The following FGF12 variants were observed in gnomAD, a reference collection of about 807,000 sequenced individuals.
FGF12 encodes fibroblast growth factor 12.
A neutral mutation model predicts 23.6 loss-of-function variants in FGF12; 14 were observed. The ratio of observed to expected loss-of-function variants is 0.59; its 90% CI spans 0.39 to 0.93. The LOEUF (loss-of-function observed/expected upper bound fraction) is 0.93. Ranked by LOEUF, FGF12 falls within the 40% of genes least tolerant of loss-of-function variation. The probability of loss-of-function intolerance (pLI) is 0.00; values close to 1 mark genes in which losing one functional copy is unlikely to be tolerated. For missense variants in FGF12, 175 were observed against 217.8 expected, an observed-to-expected ratio of 0.80 and a Z score of 1.24; for synonymous variants, 62 against 77.3, an observed-to-expected ratio of 0.80 and a Z score of 1.04.
At chr3:192,415,745 C>CAA (rs1721332281) in intron 2 of FGF12, among the ~76,000 whole-genome samples, 1 of 150,900 alleles carries the variant, frequency 6.6e-6, no homozygotes, top group Non-Finnish European at 1.5e-5. Flanking sequence ...CACACACACA[C>CAA]ACACACACAC....
rs550956600 is a variant in FGF12 at position 192,456,600 on chromosome 3, T to C, written c.14-96062A>G. 3.9e-4 allele frequency among the ~76,000 whole-genome samples: 60 copies of C among 152,312 alleles called. No homozygotes were observed. The South Asian group carries it at 0.012, about 31-fold the overall frequency. Reference sequence around the variant, plus strand: ...CCCATAAATGTATACTCCTAATACGTATCCACAAAAATTTTTAAAAATAAT... The same window carrying C: ...CCCATAAATGTATACTCCTAATACGCATCCACAAAAATTTTTAAAAATAAT... On this transcript the variant is annotated intron_variant, in intron 2 of 5. Coordinates refer to ENST00000445105, the MANE Select transcript of FGF12 (RefSeq NM_004113.6).
chr3:192,175,710 T>G (rs924047140), intron 4 of FGF12, among the ~76,000 whole-genome samples: 6 of 152,148 alleles, frequency 3.9e-5, no homozygotes, highest in African/African-American at 1.4e-4. Flanking sequence ...AATCTCCAAC[T>G]CATTTTAATC....
intron 4 of FGF12, among the ~76,000 whole-genome samples, chr3:192,181,241 A>G (rs966634017): frequency 2.0e-5 from 3 of 152,128 alleles, no homozygotes; most frequent in Non-Finnish European, 4.4e-5. Flanking sequence ...AGGGCATTCA[A>G]TGAAGACCTC....
intron 2 of FGF12, among the ~76,000 whole-genome samples, chr3:192,466,769 C>T (rs1723023737): frequency 1.3e-5 from 2 of 152,174 alleles, no homozygotes; most frequent in Admixed American, 1.3e-4. Flanking sequence ...GGTTAAATTA[C>T]TTCACACTCA....
chr3:192,384,767 T>C (rs541932573), intron 2 of FGF12, among the ~76,000 whole-genome samples: 81 of 152,314 alleles, frequency 5.3e-4, no homozygotes, highest in African/African-American at 1.8e-3. Flanking sequence ...GGGGGTGACA[T>C]TCACTGATGT....
At chr3:192,378,075 T>TTTCTTTC (rs1719633693) in intron 2 of FGF12, among the ~76,000 whole-genome samples, 3 of 112,146 alleles carry the variant, frequency 2.7e-5, no homozygotes, top group Non-Finnish European at 5.1e-5. Flanking sequence ...TCTTTCTTTC[T>TTTCTTTC]TTCTTTCTTT....
At chr3:192,591,520 T>C (rs1577068873) in intron 2 of FGF12, among the ~76,000 whole-genome samples, 1 of 151,930 alleles carries the variant, frequency 6.6e-6, no homozygotes, top group Non-Finnish European at 1.5e-5. Context: ...TGTGGCTTAT[T>C]TATAATCTGG....
At chr3:192,308,641 T>C (rs1480553455) in intron 4 of FGF12, among the ~76,000 whole-genome samples, 2 of 151,266 alleles carry the variant, frequency 1.3e-5, no homozygotes, top group African/African-American at 4.9e-5. Flanking sequence ...GATTGCACCA[T>C]TGCACTCCAG....
intron 2 of FGF12, among the ~76,000 whole-genome samples, chr3:192,499,310 T>C (rs996283288): frequency 1.3e-5 from 2 of 151,434 alleles, no homozygotes; most frequent in Non-Finnish European, 2.9e-5. Context: ...TAACTAGATT[T>C]CAACCCAGGT....
intron 4 of FGF12, among the ~76,000 whole-genome samples, chr3:192,258,413 A>G (rs1712541594): frequency 6.6e-6 from 1 of 152,146 alleles, no homozygotes; most frequent in Non-Finnish European, 1.5e-5. Context: ...AGCTGAAATC[A>G]CACTACTGCA....
chr3:192,389,754 T>C (rs1024717986), intron 2 of FGF12, among the ~76,000 whole-genome samples: 1 of 152,206 alleles, frequency 6.6e-6, no homozygotes, highest in Non-Finnish European at 1.5e-5. Context: ...AAGTGTCCAA[T>C]ATAAACTACA....
intron 2 of FGF12, among the ~76,000 whole-genome samples, chr3:192,549,948 C>T (rs1725590663): frequency 6.6e-6 from 1 of 152,056 alleles, no homozygotes; most frequent in African/African-American, 2.4e-5. Flanking sequence ...AGACTGCAGA[C>T]CTTGGAACTT....
At chr3:192,449,316 A>G (rs1722453315) in intron 2 of FGF12, among the ~76,000 whole-genome samples, 1 of 152,168 alleles carries the variant, frequency 6.6e-6, no homozygotes. Context: ...GATGGCCGTC[A>G]GCAGCTAATT....
chr3:192,599,785 T>C (rs1006757576), intron 2 of FGF12, among the ~76,000 whole-genome samples: 1 of 151,950 alleles, frequency 6.6e-6, no homozygotes, highest in Admixed American at 6.6e-5. Flanking sequence ...TAATAAAACA[T>C]GTAAATAATA....
chr3:192,189,165 T>G (rs1716648255), intron 4 of FGF12, among the ~76,000 whole-genome samples: 1 of 152,228 alleles, frequency 6.6e-6, no homozygotes, highest in African/African-American at 2.4e-5. Context: ...CAGTCCTGTT[T>G]AAGCCATCTA....
intron 2 of FGF12, among the ~76,000 whole-genome samples, chr3:192,539,512 T>C (rs895475588): frequency 2.0e-5 from 3 of 152,172 alleles, no homozygotes; most frequent in Non-Finnish European, 4.4e-5. Context: ...TGATGAATGA[T>C]CTTTTTAATG....
chr3:192,402,542 C>T (rs1336790348), intron 2 of FGF12, among the ~76,000 whole-genome samples: 1 of 152,176 alleles, frequency 6.6e-6, no homozygotes, highest in East Asian at 1.9e-4. Context: ...TCCTAACCCT[C>T]AGTGTGGTGG....
intron 3 of FGF12, among the ~76,000 whole-genome samples, chr3:192,356,676 A>G (rs530308690): frequency 6.6e-6 from 1 of 152,342 alleles, no homozygotes; most frequent in South Asian, 2.1e-4. Flanking sequence ...TGTGAAATAT[A>G]CCATGGTAAG....
chr3:192,513,665 ATGT>A (rs1724562449), intron 2 of FGF12, among the ~76,000 whole-genome samples: 1 of 152,230 alleles, frequency 6.6e-6, no homozygotes, highest in African/African-American at 2.4e-5. Context: ...ATCTTGTATA[ATGT>A]TGTTAAATTT....
Sources: gnomAD v4.1 joint callset for allele counts (sites outside exome capture counted in the v4.1 genomes callset) on GRCh38, gnomAD v4.1.1 for gene constraint, MANE v1.5 for transcripts, NCBI Gene and HGNC (gene_info 2026-07-23, HGNC 2026-07-21) for gene names.